MORC1: variants seen among roughly 807,000 people sequenced by gnomAD.
MORC1 encodes MORC family CW-type zinc finger protein 1.
Under a neutral mutation model 134.9 loss-of-function variants are expected in MORC1, and 59 were observed. The observed-to-expected ratio is 0.44, with a 90% CI of 0.35 to 0.54. MORC1 has a LOEUF of 0.54. Ranked by LOEUF, MORC1 falls within the 20% of genes least tolerant of loss-of-function variation. The pLI is 0.00. For synonymous variants in MORC1, 395 were observed against 391.7 expected (o/e 1.01, Z -0.10); for missense variants, 947 against 1,134.5 (o/e 0.83, Z 2.37).
intron 13 of MORC1, 142 bp downstream of exon 13, chr3:109,057,201 G>T: frequency 1.3e-6 from 1 of 784,642 alleles, no homozygotes; most frequent in Non-Finnish European, 1.9e-6. Context: ...GCAGATTAAT[G>T]CCTGCACTTC....
chr3:109,021,585 T>C (rs1276373495), intron 17 of MORC1, among the ~76,000 whole-genome samples: 2 of 152,222 alleles, frequency 1.3e-5, no homozygotes, highest in African/African-American at 4.8e-5. Flanking sequence ...TGGATGGCAT[T>C]CCTCAGTGTC....
At chr3:109,091,192 C>T (rs1037465710) in intron 8 of MORC1, among the ~76,000 whole-genome samples, 1 of 151,902 alleles carries the variant, frequency 6.6e-6, no homozygotes, top group Non-Finnish European at 1.5e-5. Context: ...GCCTGTAATC[C>T]CAGCACTTTG....
chr3:109,064,188 T>C (rs1559930802), intron 9 of MORC1, among the ~76,000 whole-genome samples: 2 of 152,172 alleles, frequency 1.3e-5, no homozygotes, highest in South Asian at 4.1e-4. Context: ...GGAAAGATAT[T>C]TATTAAACTT....
At chr3:108,992,508 T>C (rs930487828) in intron 21 of MORC1, among the ~76,000 whole-genome samples, 2 of 152,202 alleles carry the variant, frequency 1.3e-5, no homozygotes, top group African/African-American at 4.8e-5. Context: ...CAGATAAGAC[T>C]GGACCCTACA....
intron 15 of MORC1, among the ~76,000 whole-genome samples, chr3:109,033,290 A>G (rs550354599): frequency 2.2e-4 from 5 of 23,042 alleles, no homozygotes; most frequent in South Asian, 2.3e-3. Flanking sequence ...AGAAAGGAGG[A>G]AGGAAGGAAG....
intron 26 of MORC1, 94 bp downstream of exon 26, chr3:108,969,575 C>T: frequency 2.3e-6 from 3 of 1,279,086 alleles, no homozygotes; most frequent in Non-Finnish European, 2.3e-6. Context: ...AATTTGATTT[C>T]CTTTCAAACC....
chr3:109,053,485 G>C (rs770316107), intron 14 of MORC1, among the ~76,000 whole-genome samples: 2 of 152,034 alleles, frequency 1.3e-5, no homozygotes, highest in Admixed American at 6.6e-5. Flanking sequence ...CAACATGGAT[G>C]CAGCTAGAGG....
intron 14 of MORC1, among the ~76,000 whole-genome samples, chr3:109,036,905 T>G (rs145220375): frequency 9.6e-4 from 146 of 152,310 alleles, no homozygotes; most frequent in African/African-American, 3.3e-3. Flanking sequence ...TTGTGGAGAA[T>G]CAAGCAATTC....
At chr3:109,095,437 C>A (rs1950814661) in intron 6 of MORC1, among the ~76,000 whole-genome samples, 1 of 152,150 alleles carries the variant, frequency 6.6e-6, no homozygotes, top group Non-Finnish European at 1.5e-5. Flanking sequence ...ACTTGCAATT[C>A]AGAATTCCTA....
chr3:109,115,683 G>C (rs529071071), intron 1 of MORC1, among the ~76,000 whole-genome samples: 1 of 152,292 alleles, frequency 6.6e-6, no homozygotes, highest in East Asian at 1.9e-4. Flanking sequence ...GACCAAAAAT[G>C]TCATATGAAT....
intron 2 of MORC1, among the ~76,000 whole-genome samples, chr3:109,111,186 A>C (rs1951162447): frequency 6.6e-6 from 1 of 152,192 alleles, no homozygotes; most frequent in Non-Finnish European, 1.5e-5. Context: ...AGACATTTTA[A>C]AGAACATACA....
chr3:109,041,719 T>C (rs768695472), intron 14 of MORC1, among the ~76,000 whole-genome samples: 9 of 151,948 alleles, frequency 5.9e-5, no homozygotes, highest in Non-Finnish European at 1.2e-4. Context: ...TGGTGGCGCA[T>C]ACCTGTAGTC....
intron 8 of MORC1, among the ~76,000 whole-genome samples, chr3:109,077,733 G>A (rs1426376047): frequency 6.6e-6 from 1 of 151,462 alleles, no homozygotes; most frequent in Non-Finnish European, 1.5e-5. Flanking sequence ...AAAGAAGCAA[G>A]GCAAATACAA....
chr3:109,010,812 C>T (rs911549492), intron 17 of MORC1, among the ~76,000 whole-genome samples: 2 of 152,094 alleles, frequency 1.3e-5, no homozygotes, highest in Non-Finnish European at 2.9e-5. Flanking sequence ...AAAACTCATC[C>T]ATATTGCTGT....
At position 109,050,304 on chromosome 3, in the gene MORC1, T is replaced by G. The variant is rs563296220; in HGVS notation, c.1330+4424A>C. Among the ~76,000 whole-genome samples the G allele has an allele frequency of 1.9e-3, 295 of 152,318 alleles. 3 individuals are homozygous for G. Among genetic ancestry groups the G allele is most frequent in the African/African-American group, 6.8e-3 (283 of 41,564 alleles). ...GACTAAGTGGCTTATAAATAACACA[T>G]TTATTTCTCACAGTTCTGGAGACTG... On this transcript the variant is annotated intron_variant, in intron 14 of 27. Coordinates refer to ENST00000232603, the MANE Select transcript of MORC1 (RefSeq NM_014429.4).
chr3:109,021,739 A>G (rs973737776), intron 17 of MORC1, among the ~76,000 whole-genome samples: 15 of 152,198 alleles, frequency 9.9e-5, no homozygotes, highest in African/African-American at 3.4e-4. Flanking sequence ...TAAACCACAA[A>G]TGCTGTTCCA....
chr3:108,981,527 A>G (rs1410999522), intron 23 of MORC1, among the ~76,000 whole-genome samples: 1 of 152,120 alleles, frequency 6.6e-6, no homozygotes, highest in Non-Finnish European at 1.5e-5. Flanking sequence ...CATTTTAGGG[A>G]TGTTAAAGAT....
At chr3:108,984,873 G>T in intron 22 of MORC1, 91 bp from the exon 23 acceptor site, 2 of 867,312 alleles carry the variant, frequency 2.3e-6, no homozygotes, top group Non-Finnish European at 1.8e-6. Flanking sequence ...AACTACCTCT[G>T]TATAATATGG....
chr3:109,082,250 T>TA lies in MORC1; in HGVS notation c.689+11185dup, dbSNP rs1156788358. Among the ~76,000 whole-genome samples the TA allele has an allele frequency of 3.8e-3, 528 of 138,682 alleles. 2 individuals carry two copies. Among genetic ancestry groups the TA allele is most frequent in the African/African-American group, 9.6e-3 (365 of 38,202 alleles). 91.0% of individuals were successfully genotyped at this position (138,682 alleles called of 152,430 possible). On this transcript the variant is annotated intron_variant, in intron 8 of 27. Transcript: ENST00000232603. ...AAGGCAGCAACCTAGGAGAAAAATT[T>TA]AAAAAAAAAAAAACCACCAGGTAAA... is the stretch of plus-strand genomic sequence containing the variant.
Sources: gnomAD v4.1 joint callset for allele counts (sites outside exome capture counted in the v4.1 genomes callset) on GRCh38, gnomAD v4.1.1 for gene constraint, MANE v1.5 for transcripts, NCBI Gene and HGNC (gene_info 2026-07-23, HGNC 2026-07-21) for gene names.